The following CCND3 variants were observed in gnomAD, a reference collection of about 807,000 sequenced individuals.
CCND3 encodes the protein G1/S-specific cyclin-D3.
CCND3 carries 9 observed loss-of-function variants against 28.7 expected under a neutral mutation model. The observed-to-expected ratio is 0.31, with a 90% CI of 0.19 to 0.55. CCND3 has a LOEUF of 0.55. Ranked by LOEUF, CCND3 falls within the 20% of genes least tolerant of loss-of-function variation. The pLI is 0.93. For missense variants in CCND3, 315 were observed against 385.8 expected, an observed-to-expected ratio of 0.82 and a Z score of 1.54; for synonymous variants, 164 against 163.9, an observed-to-expected ratio of 1.00 and a Z score of 0.00.
In CCND3 at chr6:41,936,008, G is replaced by GGGGGGCTTT; in HGVS notation, c.802_810dup (p.Lys268_Pro270dup). The GGGGGGCTTT allele has an allele frequency of 6.2e-7, 1 of 1,612,938 alleles. No individual in the cohort carries two copies. The highest frequency in any genetic ancestry group is 8.5e-7 in the Non-Finnish European group (1 of 1,179,472). ...CTGGGCCCTTGGCTGCTGGAGCCCCGGGGGGCTTTGGGCGCTGGGCTGGAG... is the reference window on the plus strand; with the variant it reads ...CTGGGCCCTTGGCTGCTGGAGCCCCGGGGGGCTTTGGGGGCTTTGGGCGCTGGGCTGGAG... On this transcript the variant is annotated inframe_insertion, in exon 5 of 5. Coordinates refer to ENST00000372991, the MANE Select transcript of CCND3 (RefSeq NM_001760.5). This position sits in a 1 kb window ranked among gnomAD's most constrained non-coding sequence, Gnocchi z 4.4.
chr6:42,005,542 A>G (rs1254934588), intron 1 of CCND3, among the ~76,000 whole-genome samples: 39 of 1,674 alleles, frequency 0.023, no homozygotes, highest in African/African-American at 0.052. Context: ...CCCTGTCTCA[A>G]AAAAAAAAAA....
intron 1 of CCND3, among the ~76,000 whole-genome samples, chr6:42,044,957 G>GTT (rs1231639248): frequency 2.1e-5 from 1 of 47,150 alleles, no homozygotes; most frequent in African/African-American, 5.6e-5. Flanking sequence ...CCCGGCTAAC[G>GTT]TTTTTTTTTT....
At chr6:41,973,481 A>G (rs1762089705) in intron 1 of CCND3, among the ~76,000 whole-genome samples, 1 of 152,214 alleles carries the variant, frequency 6.6e-6, no homozygotes, top group Non-Finnish European at 1.5e-5. Flanking sequence ...AGAAAATTGT[A>G]CTATGTTATA....
Position 41,941,024 on chromosome 6 carries a change from C to T in CCND3, c.198+428G>A, listed in dbSNP as rs547197113. ...TTTCCCTGTCGGCCGGAACAGGGCG[C>T]GCGCCACCCCCATCGCCTTCCCCGC... On this transcript the variant is annotated intron_variant, in intron 1 of 4. Coordinates refer to ENST00000372991, the MANE Select transcript of CCND3 (RefSeq NM_001760.5). The surrounding 1 kb of genome is among the most constrained non-coding windows in gnomAD (Gnocchi z 6.1). The T allele has an allele frequency of 1.2e-6, 2 of 1,608,644 alleles. No homozygotes were observed. The highest frequency in any genetic ancestry group is 1.3e-5 in the African/African-American group (1 of 74,974).
In CCND3 at chr6:41,936,288, G is replaced by A. The variant is rs1000782967; in HGVS notation, c.712-181C>T. The A allele has an allele frequency of 7.0e-6, 5 of 709,434 alleles. No homozygotes were observed. In the Admixed American group the frequency reaches 1.5e-4, roughly 21 times the overall value. The allele number at this position is 709,434 out of a possible 1,614,324, so 43.9% of individuals were successfully genotyped here. A position where few individuals can be genotyped will look rare whatever the true frequency, so the allele number is the denominator to read the frequency against. On this transcript the variant is annotated intron_variant, in intron 4 of 4. Coordinates refer to ENST00000372991, the MANE Select transcript of CCND3 (RefSeq NM_001760.5). This position sits in a 1 kb window ranked among gnomAD's most constrained non-coding sequence, Gnocchi z 4.4. ...AAGAGGATGTGGCAAGGGAGTGTGA[G>A]AGCAGCCCTGCATCTGACACCAAAC...
At chr6:41,996,120 T>TA (rs1762792641) in intron 1 of CCND3, among the ~76,000 whole-genome samples, 6 of 65,632 alleles carry the variant, frequency 9.1e-5, no homozygotes, top group African/African-American at 2.3e-4. Flanking sequence ...TATATATATA[T>TA]ATAATATATA....
chr6:41,998,107 G>T (rs1762865972), intron 1 of CCND3, among the ~76,000 whole-genome samples: 1 of 151,830 alleles, frequency 6.6e-6, no homozygotes, highest in Non-Finnish European at 1.5e-5. Context: ...TGGCCAACAT[G>T]GTGAAACCCC....
intron 1 of CCND3, among the ~76,000 whole-genome samples, chr6:41,988,358 G>C (rs1762547796): frequency 6.6e-6 from 1 of 151,984 alleles, no homozygotes; most frequent in Non-Finnish European, 1.5e-5. Context: ...CATTCTTACA[G>C]CCGCTCACCA....
chr6:41,983,450 T>C (rs1762402619), intron 1 of CCND3, among the ~76,000 whole-genome samples: 1 of 151,904 alleles, frequency 6.6e-6, no homozygotes, highest in South Asian at 2.1e-4. Flanking sequence ...AACATATCCA[T>C]AACATATAGT....
chr6:42,019,654 G>A (rs1763642020), intron 1 of CCND3, among the ~76,000 whole-genome samples: 1 of 152,062 alleles, frequency 6.6e-6, no homozygotes. Flanking sequence ...AGGTTCAGAA[G>A]GACATCTAGT....
At chr6:41,978,630 T>TG (rs1762246222) in intron 1 of CCND3, among the ~76,000 whole-genome samples, 1 of 152,044 alleles carries the variant, frequency 6.6e-6, no homozygotes, top group Non-Finnish European at 1.5e-5. Flanking sequence ...GGGGAGGTGT[T>TG]GGGGGAAGTG....
intron 1 of CCND3, among the ~76,000 whole-genome samples, chr6:42,007,400 G>A (rs1417957142): frequency 6.6e-6 from 1 of 152,212 alleles, no homozygotes; most frequent in Admixed American, 6.5e-5. Context: ...GTCAGGACAA[G>A]GGCTTAGTCA....
intron 1 of CCND3, among the ~76,000 whole-genome samples, chr6:42,036,524 C>G (rs1764225750): frequency 6.7e-6 from 1 of 149,750 alleles, no homozygotes; most frequent in Non-Finnish European, 1.5e-5. Context: ...ATCCTCCCAC[C>G]TCAGCCTCCT....
intron 1 of CCND3, among the ~76,000 whole-genome samples, chr6:41,982,323 G>A (rs1294253764): frequency 6.6e-6 from 1 of 151,134 alleles, no homozygotes; most frequent in Non-Finnish European, 1.5e-5. Context: ...CAATGAACAA[G>A]TGGAATTTGA....
intron 1 of CCND3, among the ~76,000 whole-genome samples, chr6:42,014,247 G>A (rs777710784): frequency 1.3e-5 from 2 of 151,576 alleles, no homozygotes; most frequent in Non-Finnish European, 2.9e-5. Context: ...GGCGCCTGTA[G>A]TCCCAGCTAC....
chr6:42,005,614 C>T (rs1011352968), intron 1 of CCND3, among the ~76,000 whole-genome samples: 35 of 147,136 alleles, frequency 2.4e-4, no homozygotes, highest in African/African-American at 8.8e-4. Flanking sequence ...AATCTCAGAA[C>T]TTGAGGAGCC....
rs536772252 is a variant in CCND3 at position 41,995,290 on chromosome 6, C to T, written c.-46+53211G>A. On this transcript the variant is annotated intron_variant, in intron 1 of 4. Transcript: ENST00000372988. ...TTGTGGGGGGTGGGGTGCAGTCTTGCTCTGTCGCCCAGGCTGGAGTGCAGT... is the reference window on the plus strand; with the variant it reads ...TTGTGGGGGGTGGGGTGCAGTCTTGTTCTGTCGCCCAGGCTGGAGTGCAGT... Among the ~76,000 whole-genome samples, 12 of 152,046 alleles carry T rather than the reference C, an allele frequency of 7.9e-5. 1 individual carries two copies. In the South Asian group the frequency reaches 2.5e-3, roughly 32 times the overall value.
chr6:42,022,892 G>A (rs532209470), intron 1 of CCND3, among the ~76,000 whole-genome samples: 34 of 147,698 alleles, frequency 2.3e-4, no homozygotes, highest in African/African-American at 8.6e-4. Flanking sequence ...GAGCTGGCTC[G>A]GGGTGCTGGA....
intron 1 of CCND3, among the ~76,000 whole-genome samples, chr6:41,983,973 G>C (rs2127413270): frequency 6.6e-6 from 1 of 152,044 alleles, no homozygotes; most frequent in South Asian, 2.1e-4. Context: ...CCAATCCCCT[G>C]GCAACCACCA....
Sources: allele counts gnomAD v4.1 joint callset (sites outside exome capture counted in the v4.1 genomes callset), GRCh38; gene constraint gnomAD v4.1.1; non-coding constraint Gnocchi (gnomAD v3.1); transcripts MANE v1.5; gene names NCBI Gene and HGNC (gene_info 2026-07-23, HGNC 2026-07-21).